Variants in PDE4D observed in about 807,000 individuals in gnomAD.
PDE4D encodes phosphodiesterase 4D.
Under a neutral mutation model 87.4 loss-of-function variants are expected in PDE4D, and 24 were observed. The observed-to-expected ratio is 0.27, with a 90% CI of 0.20 to 0.39. The LOEUF (loss-of-function observed/expected upper bound fraction) is 0.39. Among genes scored for constraint, PDE4D ranks in the 10% least tolerant of loss-of-function variants. PDE4D has a pLI of 1.00. For missense variants in PDE4D, 714 were observed against 1,041.0 expected, an observed-to-expected ratio of 0.69 and a Z score of 4.32; for synonymous variants, 384 against 383.2, an observed-to-expected ratio of 1.00 and a Z score of -0.02.
intron 2 of PDE4D, among the ~76,000 whole-genome samples, chr5:60,062,959 TA>T (rs1205092974): frequency 6.6e-6 from 1 of 151,874 alleles, no homozygotes; most frequent in Non-Finnish European, 1.5e-5. Context: ...GACAAATAGC[TA>T]ATGCATGCAG....
chr5:59,846,607 T>G (rs1743895115), intron 1 of PDE4D, among the ~76,000 whole-genome samples: 1 of 152,074 alleles, frequency 6.6e-6, no homozygotes, highest in African/African-American at 2.4e-5. Flanking sequence ...CTCAGAAGAC[T>G]TGCTCCTAAG....
At chr5:59,072,553 T>C (rs1765023019) in intron 5 of PDE4D, among the ~76,000 whole-genome samples, 3 of 152,230 alleles carry the variant, frequency 2.0e-5, no homozygotes, top group African/African-American at 7.2e-5. Flanking sequence ...ATACCCCTTG[T>C]ATACTTGTTT....
chr5:59,496,345 G>GTAGGC (rs1807185974), intron 1 of PDE4D, among the ~76,000 whole-genome samples: 1 of 152,090 alleles, frequency 6.6e-6, no homozygotes, highest in Non-Finnish European at 1.5e-5. Context: ...AGGGGGCATG[G>GTAGGC]TAGGCTAGGT....
At chr5:59,760,175 T>C (rs1450535986) in intron 1 of PDE4D, among the ~76,000 whole-genome samples, 1 of 152,132 alleles carries the variant, frequency 6.6e-6, no homozygotes. Context: ...AAATAATGAC[T>C]CAGAAAGCAA....
chr5:59,367,166 C>G (rs541679067), intron 1 of PDE4D, among the ~76,000 whole-genome samples: 2 of 152,254 alleles, frequency 1.3e-5, no homozygotes, highest in South Asian at 4.1e-4. Context: ...AGCAGAAGTT[C>G]TGAGAAAATA....
intron 1 of PDE4D, among the ~76,000 whole-genome samples, chr5:59,457,415 G>A (rs181661259): frequency 6.6e-6 from 1 of 152,304 alleles, no homozygotes; most frequent in Non-Finnish European, 1.5e-5. Flanking sequence ...AGACTATAGT[G>A]TAAACATAAC....
intron 1 of PDE4D, among the ~76,000 whole-genome samples, chr5:60,317,654 A>T (rs578043390): frequency 6.5e-4 from 99 of 152,172 alleles, no homozygotes; most frequent in Admixed American, 4.6e-4. Flanking sequence ...TACACACTGC[A>T]TTGAATGTAT....
chr5:59,025,699 A>T (rs972701414), intron 6 of PDE4D, among the ~76,000 whole-genome samples: 1 of 152,248 alleles, frequency 6.6e-6, no homozygotes, highest in Non-Finnish European at 1.5e-5. Context: ...AGCAACCAAA[A>T]CACTACTGTT....
chr5:59,193,773 G>A (rs1581290204), intron 2 of PDE4D: 1 of 985,388 alleles, frequency 1.0e-6, no homozygotes, highest in Non-Finnish European at 1.2e-6. Context: ...ATCAGCCAGG[G>A]TCACTGTTGC....
intron 1 of PDE4D, among the ~76,000 whole-genome samples, chr5:60,289,870 C>T (rs1201346910): frequency 6.6e-6 from 1 of 152,156 alleles, no homozygotes; most frequent in Non-Finnish European, 1.5e-5. Context: ...AAAGAATCAC[C>T]TTAGAGACAC....
chr5:59,409,147 C>CAA (rs34575207), intron 1 of PDE4D, among the ~76,000 whole-genome samples: 10 of 116,548 alleles, frequency 8.6e-5, no homozygotes, highest in Non-Finnish European at 1.7e-4. Context: ...GACTCCATTT[C>CAA]AAAAAAAAAA....
In PDE4D at chr5:59,202,196, T is replaced by C. The variant is rs531589712; in HGVS notation, c.648-8660A>G. 7.0e-4 allele frequency among the ~76,000 whole-genome samples: 106 copies of C among 151,980 alleles called. No individual in the cohort carries two copies. The East Asian group carries it at 0.016, about 22-fold the overall frequency. On this transcript the variant is annotated intron_variant, in intron 2 of 14. Transcript: ENST00000340635. ...CTGGGACTACAGGCGCCTGCCACCA[T>C]GCCCAGCTAATTTTTTTGTATTTTT...
chr5:59,685,179 T>A (rs919631614), intron 1 of PDE4D, among the ~76,000 whole-genome samples: 11 of 152,224 alleles, frequency 7.2e-5, no homozygotes, highest in African/African-American at 2.7e-4. Flanking sequence ...TATTTTCTAA[T>A]ACGAACATAA....
intron 3 of PDE4D, among the ~76,000 whole-genome samples, chr5:59,973,820 T>C (rs1336198579): frequency 6.6e-6 from 1 of 152,042 alleles, no homozygotes; most frequent in Non-Finnish European, 1.5e-5. Flanking sequence ...CAGATACTGT[T>C]TCAAACAGTG....
chr5:60,258,171 C>A (rs116509510), intron 1 of PDE4D, among the ~76,000 whole-genome samples: 1 of 151,912 alleles, frequency 6.6e-6, no homozygotes, highest in African/African-American at 2.4e-5. Context: ...AGCTGCCTGC[C>A]GATGGTGATT....
intron 1 of PDE4D, among the ~76,000 whole-genome samples, chr5:59,238,155 T>C (rs1314345184): frequency 6.6e-6 from 1 of 152,136 alleles, no homozygotes. Context: ...AGTCTCTTCT[T>C]CCATAACATG....
At chr5:60,312,090 A>G (rs763337688) in intron 1 of PDE4D, among the ~76,000 whole-genome samples, 1 of 152,192 alleles carries the variant, frequency 6.6e-6, no homozygotes, top group African/African-American at 2.4e-5. Context: ...ACCACATAAT[A>G]ATAGTGGGAG....
chr5:59,874,465 A>T (rs1748265075), intron 1 of PDE4D, among the ~76,000 whole-genome samples: 1 of 152,208 alleles, frequency 6.6e-6, no homozygotes, highest in African/African-American at 2.4e-5. Context: ...AACAATTTTC[A>T]CTTAACAAGA....
chr5:59,415,411 C>T lies in PDE4D; in HGVS notation c.456-199443G>A, dbSNP rs541827959. Among the ~76,000 whole-genome samples, 15 of 152,266 alleles carry T rather than the reference C, an allele frequency of 9.9e-5. No homozygotes were observed. In the South Asian group the frequency reaches 2.7e-3, roughly 27 times the overall value. ...TGAGTGGCAGACTCTGAGTTCAAAC[C>T]CAGATAATCTAAATATGAACTGTCT... On this transcript the variant is annotated intron_variant, in intron 1 of 14. Transcript: ENST00000340635.
Sources: allele counts gnomAD v4.1 joint callset (sites outside exome capture counted in the v4.1 genomes callset), GRCh38; gene constraint gnomAD v4.1.1; transcripts MANE v1.5; gene names NCBI Gene and HGNC (gene_info 2026-07-23, HGNC 2026-07-21).